The following NKAIN2 variants were observed in gnomAD, a reference collection of about 807,000 sequenced individuals.
NKAIN2 encodes sodium/potassium transporting ATPase interacting 2.
In NKAIN2, 14 loss-of-function variants were observed where a neutral mutation model predicts 32.6. That is an observed-to-expected ratio of 0.43 (90% CI 0.28 to 0.67). The LOEUF (loss-of-function observed/expected upper bound fraction) is 0.67, where lower values mean the gene tolerates loss of function less well. Ranked by LOEUF, NKAIN2 falls within the 30% of genes least tolerant of loss-of-function variation. NKAIN2 has a pLI of 0.17. For missense variants in NKAIN2, 198 were observed against 258.3 expected (o/e 0.77, Z 1.60); for synonymous variants, 80 against 87.2 (o/e 0.92, Z 0.46).
At chr6:124,332,076 A>G (rs1405889202) in intron 2 of NKAIN2, among the ~76,000 whole-genome samples, 3 of 152,200 alleles carry the variant, frequency 2.0e-5, no homozygotes, top group Admixed American at 1.3e-4. Context: ...GACAAAATGG[A>G]TAAGGATATA....
intron 2 of NKAIN2, 131 bp from the exon 3 acceptor site, chr6:124,355,136 C>T: frequency 6.5e-6 from 4 of 617,730 alleles, no homozygotes; most frequent in Admixed American, 2.8e-5. Context: ...TAATCCTGTT[C>T]CTTAGAGAGA....
At chr6:124,467,463 G>A (rs1776806788) in intron 3 of NKAIN2, among the ~76,000 whole-genome samples, 2 of 151,990 alleles carry the variant, frequency 1.3e-5, no homozygotes, top group Non-Finnish European at 2.9e-5. Context: ...TGTTTTACAT[G>A]CTTCATTTTC....
chr6:124,005,654 G>A (rs910617701), intron 1 of NKAIN2, among the ~76,000 whole-genome samples: 1 of 152,102 alleles, frequency 6.6e-6, no homozygotes, highest in African/African-American at 2.4e-5. Context: ...TAAAGACACA[G>A]ATCTGTATGT....
At chr6:124,420,175 A>T (rs983403064) in intron 3 of NKAIN2, among the ~76,000 whole-genome samples, 4 of 152,100 alleles carry the variant, frequency 2.6e-5, no homozygotes, top group Non-Finnish European at 5.9e-5. Flanking sequence ...GCTTATGAAA[A>T]ATCAAATATT....
chr6:124,412,529 C>T (rs1774247432), intron 3 of NKAIN2, among the ~76,000 whole-genome samples: 1 of 152,136 alleles, frequency 6.6e-6, no homozygotes, highest in Non-Finnish European at 1.5e-5. Flanking sequence ...GATTGTTCCT[C>T]TGGAAGTTTT....
intron 2 of NKAIN2, among the ~76,000 whole-genome samples, chr6:124,350,122 A>T (rs1158567999): frequency 6.6e-6 from 1 of 152,200 alleles, no homozygotes; most frequent in Non-Finnish European, 1.5e-5. Flanking sequence ...CAATTGTGAT[A>T]CTTTATTATA....
At chr6:124,770,345 C>A (rs909800954) in intron 4 of NKAIN2, among the ~76,000 whole-genome samples, 7 of 152,124 alleles carry the variant, frequency 4.6e-5, no homozygotes, top group Non-Finnish European at 8.8e-5. Context: ...TCTCCATTCA[C>A]ACCCTTACAC....
chr6:124,402,917 A>G (rs747713683), intron 3 of NKAIN2, among the ~76,000 whole-genome samples: 3 of 152,192 alleles, frequency 2.0e-5, no homozygotes, highest in Non-Finnish European at 2.9e-5. Flanking sequence ...CAATTTACCT[A>G]TATAACAAAC....
chr6:124,780,125 G>C (rs1779191557), intron 4 of NKAIN2, among the ~76,000 whole-genome samples: 2 of 152,124 alleles, frequency 1.3e-5, no homozygotes, highest in African/African-American at 4.8e-5. Flanking sequence ...TCAAGACCCA[G>C]CAAAAGTATT....
chr6:124,294,857 G>C (rs990759504), intron 2 of NKAIN2, among the ~76,000 whole-genome samples: 1 of 152,004 alleles, frequency 6.6e-6, no homozygotes, highest in African/African-American at 2.4e-5. Context: ...TGTTTGACTA[G>C]ACCTGTCATT....
intron 3 of NKAIN2, among the ~76,000 whole-genome samples, chr6:124,428,833 A>C (rs1775087499): frequency 6.6e-6 from 1 of 152,112 alleles, no homozygotes; most frequent in African/African-American, 2.4e-5. Context: ...CTAAGTATGC[A>C]TGTGTGTGCC....
chr6:124,716,394 G>T (rs1336879962), intron 4 of NKAIN2, among the ~76,000 whole-genome samples: 2 of 152,146 alleles, frequency 1.3e-5, no homozygotes, highest in Non-Finnish European at 2.9e-5. Flanking sequence ...CCAAGATGTG[G>T]CATGGAGAGC....
chr6:124,679,722 AAAAT>A (rs1243666221), intron 4 of NKAIN2, among the ~76,000 whole-genome samples: 5 of 152,224 alleles, frequency 3.3e-5, no homozygotes, highest in Admixed American at 6.5e-5. Context: ...GGGTGAGAAT[AAAAT>A]AAATAATGGT....
At chr6:124,147,890 G>T (rs1415216562) in intron 1 of NKAIN2, among the ~76,000 whole-genome samples, 2 of 152,066 alleles carry the variant, frequency 1.3e-5, no homozygotes, top group Non-Finnish European at 2.9e-5. Flanking sequence ...AAAGGGCCAG[G>T]ACCATGGATA....
chr6:123,871,421 A>G (rs7770552), intron 1 of NKAIN2, among the ~76,000 whole-genome samples: 2,031 of 152,276 alleles, frequency 0.013, 39 homozygotes, highest in African/African-American at 0.044. Context: ...AATTAGCCAT[A>G]GTCTGACCTG....
chr6:124,792,562 C>A (rs929266267), intron 5 of NKAIN2, among the ~76,000 whole-genome samples: 1 of 152,014 alleles, frequency 6.6e-6, no homozygotes, highest in Non-Finnish European at 1.5e-5. Context: ...TAGGAACTTG[C>A]CAACTAGGAG....
At chr6:124,219,331 G>T (rs1439250534) in intron 1 of NKAIN2, among the ~76,000 whole-genome samples, 3 of 147,938 alleles carry the variant, frequency 2.0e-5, no homozygotes, top group Non-Finnish European at 4.5e-5. Context: ...AGGCTGGACT[G>T]CAGTGGTGCG....
At chr6:124,206,901 A>G (rs1562422260) in intron 1 of NKAIN2, among the ~76,000 whole-genome samples, 1 of 151,840 alleles carries the variant, frequency 6.6e-6, no homozygotes, top group South Asian at 2.1e-4. Flanking sequence ...TATTTCCTCT[A>G]GGTCCAAAAT....
At chr6:123,911,799 A>ATATGTATATATATATATG (rs1562253388) in intron 1 of NKAIN2, among the ~76,000 whole-genome samples, 7 of 99,308 alleles carry the variant, frequency 7.0e-5, no homozygotes, top group East Asian at 5.8e-4. Flanking sequence ...ATATATATAT[A>ATATGTATATATATATATG]TGTATATATA....
Sources: gnomAD v4.1 joint callset for allele counts (sites outside exome capture counted in the v4.1 genomes callset) on GRCh38, gnomAD v4.1.1 for gene constraint, MANE v1.5 for transcripts, NCBI Gene and HGNC (gene_info 2026-07-23, HGNC 2026-07-21) for gene names.